CNTNAP2: variants seen among roughly 807,000 people sequenced by gnomAD.
CNTNAP2 encodes contactin-associated protein-like 2.
CNTNAP2 carries 98 observed loss-of-function variants against 155.2 expected under a neutral mutation model. That is an observed-to-expected ratio of 0.63 (90% CI 0.54 to 0.75). The LOEUF (loss-of-function observed/expected upper bound fraction) is 0.75, where lower values mean the gene tolerates loss of function less well. Ranked by LOEUF, CNTNAP2 falls within the 30% of genes least tolerant of loss-of-function variation. CNTNAP2 has a pLI of 0.00. For synonymous variants in CNTNAP2, 651 were observed against 631.2 expected, an observed-to-expected ratio of 1.03 and a Z score of -0.47; for missense variants, 1,727 against 1,688.1, an observed-to-expected ratio of 1.02 and a Z score of -0.40.
chr7:147,469,255 C>T (rs1175172508), intron 10 of CNTNAP2, among the ~76,000 whole-genome samples: 4 of 152,070 alleles, frequency 2.6e-5, no homozygotes, highest in East Asian at 1.9e-4. Context: ...ATTCCGTGTC[C>T]GTTCTGTAAT....
intron 1 of CNTNAP2, among the ~76,000 whole-genome samples, chr7:146,160,743 A>G (rs1203060943): frequency 2.0e-5 from 3 of 152,200 alleles, no homozygotes; most frequent in Non-Finnish European, 4.4e-5. Context: ...CCAGGACCAG[A>G]TGGATTCACA....
chr7:147,437,069 C>A (rs933311191), intron 10 of CNTNAP2, among the ~76,000 whole-genome samples: 3 of 151,696 alleles, frequency 2.0e-5, no homozygotes, highest in Admixed American at 2.0e-4. Context: ...ACTGCTAAGG[C>A]CATCTTGGTC....
chr7:146,520,846 C>A (rs148442047), intron 1 of CNTNAP2, among the ~76,000 whole-genome samples: 37 of 152,002 alleles, frequency 2.4e-4, no homozygotes, highest in African/African-American at 8.4e-4. Context: ...TAGCGCCCTC[C>A]TACATTAATG....
At chr7:146,759,432 C>T (rs889768348) in intron 1 of CNTNAP2, among the ~76,000 whole-genome samples, 4 of 152,026 alleles carry the variant, frequency 2.6e-5, no homozygotes, top group Non-Finnish European at 4.4e-5. Flanking sequence ...CGGTGGCTCA[C>T]GCCTGTAATC....
At chr7:148,361,547 T>C (rs764109732) in intron 21 of CNTNAP2, among the ~76,000 whole-genome samples, 1 of 152,326 alleles carries the variant, frequency 6.6e-6, no homozygotes, top group South Asian at 2.1e-4. Context: ...TTGGTTTTTC[T>C]GGGCTTGTAG....
intron 11 of CNTNAP2, among the ~76,000 whole-genome samples, chr7:147,534,956 C>T (rs909996100): frequency 2.0e-5 from 3 of 152,064 alleles, no homozygotes; most frequent in African/African-American, 4.8e-5. Context: ...TCTCAGTGGG[C>T]GCAAGGAAGC....
chr7:146,310,166 T>C (rs1319603063), intron 1 of CNTNAP2, among the ~76,000 whole-genome samples: 2 of 152,120 alleles, frequency 1.3e-5, no homozygotes, highest in African/African-American at 2.4e-5. Context: ...TGAATGAAAA[T>C]AACACATTCA....
At chr7:148,330,451 C>A (rs1797970187) in intron 21 of CNTNAP2, among the ~76,000 whole-genome samples, 1 of 107,690 alleles carries the variant, frequency 9.3e-6, no homozygotes, top group Non-Finnish European at 1.9e-5. Context: ...ACGGGTGGAG[C>A]AGAGGGATGG....
chr7:146,791,104 G>A (rs1344333671), intron 2 of CNTNAP2, among the ~76,000 whole-genome samples: 2 of 146,950 alleles, frequency 1.4e-5, no homozygotes, highest in Non-Finnish European at 3.0e-5. Context: ...AGTGTGTGAT[G>A]TCCCCCTCCC....
chr7:146,186,494 G>T (rs531746660), intron 1 of CNTNAP2, among the ~76,000 whole-genome samples: 1 of 152,086 alleles, frequency 6.6e-6, no homozygotes, highest in Non-Finnish European at 1.5e-5. Context: ...CAATAGGTAT[G>T]AATCATAAAC....
At chr7:146,546,970 G>T (rs1319093500) in intron 1 of CNTNAP2, among the ~76,000 whole-genome samples, 1 of 151,942 alleles carries the variant, frequency 6.6e-6, no homozygotes, top group Non-Finnish European at 1.5e-5. Context: ...AACAGTAATA[G>T]GTATCTCTGT....
chr7:146,537,776 A>T (rs924466948), intron 1 of CNTNAP2, among the ~76,000 whole-genome samples: 57 of 152,110 alleles, frequency 3.7e-4, no homozygotes, highest in African/African-American at 1.4e-3. Flanking sequence ...TTCATTGGCC[A>T]GGTTTGAGCT....
intron 1 of CNTNAP2, among the ~76,000 whole-genome samples, chr7:146,418,051 A>G (rs1453675565): frequency 6.6e-6 from 1 of 152,182 alleles, no homozygotes; most frequent in Non-Finnish European, 1.5e-5. Context: ...ACACAAACAC[A>G]TGGACAGCTG....
intron 1 of CNTNAP2, among the ~76,000 whole-genome samples, chr7:146,650,293 C>A (rs775744759): frequency 2.4e-4 from 36 of 152,042 alleles, no homozygotes; most frequent in Non-Finnish European, 3.4e-4. Flanking sequence ...TTGGACCAAC[C>A]CAAATTCCTA....
At chr7:148,104,645 G>A (rs1397044459) in intron 15 of CNTNAP2, among the ~76,000 whole-genome samples, 1 of 152,144 alleles carries the variant, frequency 6.6e-6, no homozygotes, top group Non-Finnish European at 1.5e-5. Context: ...GAGAGATGGA[G>A]GTAAGAGAAA....
At chr7:148,155,746 A>C (rs1243173976) in intron 17 of CNTNAP2, among the ~76,000 whole-genome samples, 1 of 152,204 alleles carries the variant, frequency 6.6e-6, no homozygotes, top group African/African-American at 2.4e-5. Context: ...TGCTCTTAAA[A>C]AGTGAGGTCA....
intron 1 of CNTNAP2, among the ~76,000 whole-genome samples, chr7:146,486,139 A>C (rs1797054864): frequency 7.3e-6 from 1 of 136,780 alleles, no homozygotes; most frequent in Admixed American, 8.3e-5. Flanking sequence ...ATCTCAGCTC[A>C]CTGCAAACTC....
intron 14 of CNTNAP2, among the ~76,000 whole-genome samples, chr7:147,976,288 T>C: frequency 6.6e-6 from 1 of 152,196 alleles, no homozygotes; most frequent in East Asian, 1.9e-4. Context: ...GGTTATCAAA[T>C]TACCATATGC....
chr7:147,401,990 G>A (rs183456299), intron 10 of CNTNAP2, among the ~76,000 whole-genome samples: 16 of 152,200 alleles, frequency 1.1e-4, no homozygotes, highest in South Asian at 2.1e-4. Flanking sequence ...TAAATTTTGC[G>A]TTCATAACTT....
Sources: allele counts gnomAD v4.1 joint callset (sites outside exome capture counted in the v4.1 genomes callset), GRCh38; gene constraint gnomAD v4.1.1; transcripts MANE v1.5; gene names NCBI Gene and HGNC (gene_info 2026-07-23, HGNC 2026-07-21).